CRYAB: variants seen among roughly 807,000 people sequenced by gnomAD.
CRYAB encodes the protein crystallin alpha B, also known as alpha-crystallin B chain.
Under a neutral mutation model 12.7 loss-of-function variants are expected in CRYAB, and 9 were observed. The observed-to-expected ratio is 0.71, with a 90% CI of 0.43 to 1.24. The LOEUF is 1.24. CRYAB is among the 50% of genes most tolerant of loss of function. The probability of loss-of-function intolerance (pLI) is 0.00; values close to 1 mark genes in which losing one functional copy is unlikely to be tolerated. For missense variants in CRYAB, 183 were observed against 226.6 expected, an observed-to-expected ratio of 0.81 and a Z score of 1.24; for synonymous variants, 93 against 86.8, an observed-to-expected ratio of 1.07 and a Z score of -0.40.
Position 111,918,574 on chromosome 11 carries a change from T to C in CRYAB, c.-199+5129A>G, listed in dbSNP as rs1592516198. ...TAAACCTGAGTGGTGCTGAGCAAAC[T>C]ACTACATTAGGCACTCATCTATTAT... On this transcript the variant is annotated intron_variant, in intron 1 of 3. Transcript: ENST00000527950. 11 of 568,838 alleles carry C rather than the reference T, an allele frequency of 1.9e-5. No homozygotes were observed. The East Asian group carries it at 3.1e-4, about 16-fold the overall frequency. The allele number at this position is 568,838 out of a possible 1,614,324, so 35.2% of individuals were successfully genotyped here.
chr11:111,910,901 T>G (rs1965433230), intron 1 of CRYAB: 1 of 278,848 alleles, frequency 3.6e-6, no homozygotes, highest in African/African-American at 2.2e-5. Context: ...TCCTGTTTAC[T>G]CACACTTGAA....
chr11:111,917,898 TCTTA>T (rs1452985146), upstream of CRYAB: 1 of 152,100 alleles, frequency 6.6e-6, no homozygotes, highest in African/African-American at 2.4e-5. Context: ...AATGCCTAAC[TCTTA>T]CTGAGTGTGT....
upstream of CRYAB, among the ~76,000 whole-genome samples, chr11:111,915,845 C>A (rs587743609): frequency 1.2e-4 from 19 of 152,244 alleles, no homozygotes; most frequent in African/African-American, 4.6e-4. Flanking sequence ...CTTGCTCAAG[C>A]AATCCTCCTG....
At chr11:111,910,500 C>T in intron 1 of CRYAB, 51 bp from the exon 2 acceptor site, 2 of 1,608,394 alleles carry the variant, frequency 1.2e-6, no homozygotes, top group Non-Finnish European at 1.7e-6. Context: ...GGCAAAAATA[C>T]TGATTACACA....
upstream of CRYAB, chr11:111,911,867 A>G (rs985862190): frequency 1.2e-5 from 8 of 646,874 alleles, no homozygotes; most frequent in Middle Eastern, 4.2e-4. Context: ...CCAGCAGTTC[A>G]TGGAGACTTG....
At chr11:111,923,584 C>G (rs1965735635) in intron 1 of CRYAB, 1 of 152,204 alleles carries the variant, frequency 6.6e-6, no homozygotes, top group Non-Finnish European at 1.5e-5. Flanking sequence ...TGTTGTCTCT[C>G]TGGCATCAAA....
chr11:111,913,284 T>G, upstream of CRYAB: 1 of 658,214 alleles, frequency 1.5e-6, no homozygotes, highest in South Asian at 1.8e-5. Flanking sequence ...CCGAGCTGCC[T>G]TCTCCTCCTA....
chr11:111,913,666 T>C, upstream of CRYAB: 1 of 1,614,180 alleles, frequency 6.2e-7, no homozygotes, highest in Non-Finnish European at 8.5e-7. Flanking sequence ...CCCCAGCGCC[T>C]GGACCGCCAC....
chr11:111,919,214 C>T, intron 1 of CRYAB: 1 of 600,930 alleles, frequency 1.7e-6, no homozygotes, highest in East Asian at 2.9e-5. Flanking sequence ...GTGGCTCACG[C>T]CTCTACTCCC....
rs2228387 is a variant in CRYAB, at chr11:111,911,560, C to T, written c.165G>A (p.Leu55=). The change falls in exon 1 of 3, where the codon CTG becomes CTA. Residue 55 remains leucine (L), a synonymous_variant. Transcript: ENST00000650687. ...SPFYLRPPSF[L]RAPSWFDTGL... The stretch of plus-strand genomic sequence containing the variant: ...CAGTGTCAAACCAGCTGGGTGCCCG[C>T]AGGAAGGAGGGTGGCCGAAGGTAGA... 0.019 allele frequency: 29,875 copies of T among 1,612,794 alleles called. 349 individuals carry two copies. Among genetic ancestry groups the T allele is most frequent in the South Asian group, 0.026 (2,375 of 90,642 alleles).
In CRYAB at chr11:111,908,790, C is replaced by T. The variant is rs1965353826; in HGVS notation, c.502G>A (p.Ala168Thr). ...TATTTCTTGGGGGCTGCGGTGACAG[C>T]AGGCTTCTCTTCACGGGTGATGGGA... is the stretch of plus-strand genomic sequence containing the variant. ...TIPITREEKP[A>T]VTAAPKK Residue 168 changes from alanine to threonine, a missense_variant, in exon 3 of 3, where the codon GCT (alanine) becomes ACT (threonine). Ala to Thr is a moderately conservative substitution (Grantham distance 58). Transcript: ENST00000650687. 1 of 1,613,080 alleles carries T rather than the reference C, an allele frequency of 6.2e-7. No homozygotes were observed. The highest frequency in any genetic ancestry group is 1.1e-5 in the South Asian group (1 of 91,036).
upstream of CRYAB, chr11:111,912,724 C>G: frequency 1.2e-6 from 1 of 818,904 alleles, no homozygotes; most frequent in Non-Finnish European, 2.0e-6. Context: ...GGTGTCGACC[C>G]CGCCCCCACC....
chr11:111,918,918 T>A, intron 1 of CRYAB: 4 of 1,609,616 alleles, frequency 2.5e-6, no homozygotes. Context: ...AACCCGGAAA[T>A]GCACAAGCCT....
At chr11:111,918,023 T>C (rs1965624059), upstream of CRYAB, 1 of 152,216 alleles carries the variant, frequency 6.6e-6, no homozygotes, top group Non-Finnish European at 1.5e-5. Flanking sequence ...GGGTATTCTC[T>C]GTGGAGTGCA....
chr11:111,918,536 A>G (rs1592516177), intron 1 of CRYAB: 2 of 461,940 alleles, frequency 4.3e-6, no homozygotes, highest in East Asian at 6.1e-5. Flanking sequence ...TTGCCTCGAA[A>G]GTGAAACTCA....
upstream of CRYAB, among the ~76,000 whole-genome samples, chr11:111,917,600 C>T (rs374882170): frequency 1.6e-4 from 24 of 148,794 alleles, no homozygotes; most frequent in East Asian, 1.2e-3. Flanking sequence ...GCCAGGAGTT[C>T]GAGACCAGCC....
At chr11:111,918,792 TG>T in intron 1 of CRYAB, 1 of 714,084 alleles carries the variant, frequency 1.4e-6, no homozygotes, top group Non-Finnish European at 2.6e-6. Context: ...ACCCTTTGGC[TG>T]GGAACACAGT....
chr11:111,918,980 A>T, intron 1 of CRYAB: 1 of 1,614,054 alleles, frequency 6.2e-7, no homozygotes, highest in Non-Finnish European at 8.5e-7. Context: ...GCCATGGGAA[A>T]CCGGGTCTGC....
At chr11:111,922,746 T>C (rs1340418058) in intron 1 of CRYAB, among the ~76,000 whole-genome samples, 1 of 152,230 alleles carries the variant, frequency 6.6e-6, no homozygotes, top group Non-Finnish European at 1.5e-5. Context: ...ATTTAAATAA[T>C]GTTATAATGA....
Sources: allele counts gnomAD v4.1 joint callset (sites outside exome capture counted in the v4.1 genomes callset), GRCh38; gene constraint gnomAD v4.1.1; transcripts MANE v1.5; gene names NCBI Gene and HGNC (gene_info 2026-07-23, HGNC 2026-07-21).